GLB1L2: variants seen among roughly 807,000 people sequenced by gnomAD.
GLB1L2 encodes the protein galactosidase beta 1 like 2.
A neutral mutation model predicts 84.1 loss-of-function variants in GLB1L2; 68 were observed. The ratio of observed to expected loss-of-function variants is 0.81; its 90% confidence interval spans 0.67 to 0.99. GLB1L2 has a LOEUF of 0.99. Ranked by LOEUF, GLB1L2 falls within the 50% of genes least tolerant of loss-of-function variation. The pLI is 0.00. For synonymous variants in GLB1L2, 290 were observed against 318.0 expected (o/e 0.91, Z 0.94); for missense variants, 762 against 805.6 (o/e 0.95, Z 0.66).
At chr11:134,343,049 G>T in intron 2 of GLB1L2, 98 bp downstream of exon 2, 2 of 1,285,324 alleles carry the variant, frequency 1.6e-6, no homozygotes, top group Non-Finnish European at 2.1e-6. Flanking sequence ...CAGGTCCTCT[G>T]CCCAGGGCGA....
At chr11:134,356,532 T>A in intron 6 of GLB1L2, 139 bp downstream of exon 6, 1 of 622,294 alleles carries the variant, frequency 1.6e-6, no homozygotes, top group Non-Finnish European at 2.8e-6. Context: ...TTCTCTGTTG[T>A]TTTATTTCAA....
Position 134,370,833 on chromosome 11 carries a change from C to T in GLB1L2, c.1216-175C>T, listed in dbSNP as rs1943942851. 6.6e-6 allele frequency among the ~76,000 whole-genome samples: 1 copy of T among 152,126 alleles called. No individual in the cohort carries two copies. The highest frequency in any genetic ancestry group is 1.5e-5 in the Non-Finnish European group (1 of 68,024). ...ACTCTGCTGGTGCACACCCCTTTGC[C>T]CCACTCCTCTTCCCCGTCACCCTGG... On this transcript the variant is annotated intron_variant, in intron 12 of 18. Coordinates refer to ENST00000535456, the MANE Select transcript of GLB1L2 (RefSeq NM_001370461.1). This position sits in a 1 kb window ranked among gnomAD's most constrained non-coding sequence, Gnocchi z 4.7.
Position 134,338,808 on chromosome 11 carries a change from G to A in GLB1L2, c.87-3946G>A, listed in dbSNP as rs555151178. Reference sequence around the variant, plus strand: ...GTAGAGGTCTTGTTAGGTTGTGCGCGGCCCCATCAGAAGTCCTGATGTGCC... The same window carrying A: ...GTAGAGGTCTTGTTAGGTTGTGCGCAGCCCCATCAGAAGTCCTGATGTGCC... On this transcript the variant is annotated intron_variant, in intron 1 of 18. Transcript: ENST00000535456. This position sits in a 1 kb window ranked among gnomAD's most constrained non-coding sequence, Gnocchi z 6.2. 1.3e-5 allele frequency among the ~76,000 whole-genome samples: 2 copies of A among 152,198 alleles called. No individual in the cohort carries two copies. Among genetic ancestry groups the A allele is most frequent in the Admixed American group, 6.5e-5 (1 of 15,292 alleles).
chr11:134,351,095 G>C (rs1383496320), intron 5 of GLB1L2, among the ~76,000 whole-genome samples: 1 of 152,212 alleles, frequency 6.6e-6, no homozygotes, highest in Admixed American at 6.5e-5. Context: ...CGAATGCTTG[G>C]TTTGTTCCTG....
At chr11:134,346,572 C>G (rs1943555226) in intron 4 of GLB1L2, 1 of 152,396 alleles carries the variant, frequency 6.6e-6, no homozygotes, top group African/African-American at 2.4e-5. Flanking sequence ...ACTGCTCTCT[C>G]CTCACCCCTT....
chr11:134,366,451 G>A (rs1366215270), intron 8 of GLB1L2, among the ~76,000 whole-genome samples: 1 of 152,138 alleles, frequency 6.6e-6, no homozygotes, highest in East Asian at 1.9e-4. Context: ...GGCTATCACT[G>A]ACCTAGAGAT....
Position 134,371,103 on chromosome 11 carries a change from C to G in GLB1L2, c.1311C>G (p.Ile437Met), listed in dbSNP as rs1423308519. Residue 437 changes from isoleucine to methionine, a missense_variant, in exon 13 of 19, where the codon ATC becomes ATG. By Grantham distance (10) the Ile-to-Met change is conservative. Coordinates refer to ENST00000535456, the MANE Select transcript of GLB1L2 (RefSeq NM_001370461.1). ...SFGYILYETS[I>M]TSSGILSGHV... is the part of the protein sequence containing the mutation. ...GGTACATTCTCTATGAGACCAGCAT[C>G]ACCTCGTCTGGCATCCTCAGTGGCC... 1 of 1,614,222 alleles carries G rather than the reference C, an allele frequency of 6.2e-7. No individual in the cohort carries two copies. Among genetic ancestry groups the G allele is most frequent in the Non-Finnish European group, 8.5e-7 (1 of 1,180,028 alleles).
Position 134,376,152 on chromosome 11 carries a change from G to A in GLB1L2, c.*1094G>A, listed in dbSNP as rs1385093709. 19 of 152,988 alleles carry A rather than the reference G, an allele frequency of 1.2e-4. No individual in the cohort carries two copies. The allele number at this position is 152,988 out of a possible 1,614,324, so 9.5% of individuals were successfully genotyped here. A position where few individuals can be genotyped will look rare whatever the true frequency, so the allele number is the denominator to read the frequency against. ...GCACATCCAGGGAGGAGGACAGAAG[G>A]CCCAGCTCAGTGGCCCCCGCCCCCC... On this transcript the variant is annotated 3_prime_UTR_variant, in exon 19 of 19. Coordinates refer to ENST00000535456, the MANE Select transcript of GLB1L2 (RefSeq NM_001370461.1).
At chr11:134,356,958 G>A (rs1038601641) in intron 6 of GLB1L2, among the ~76,000 whole-genome samples, 6 of 150,850 alleles carry the variant, frequency 4.0e-5, no homozygotes, top group African/African-American at 1.5e-4. Flanking sequence ...CAAATGCCTC[G>A]AGTTTTTTCT....
At chr11:134,337,722 G>A (rs1017610731) in intron 1 of GLB1L2, among the ~76,000 whole-genome samples, 4 of 152,198 alleles carry the variant, frequency 2.6e-5, no homozygotes, top group African/African-American at 9.7e-5. Context: ...CCATGTGTTT[G>A]ATGTCTTTGT....
intron 7 of GLB1L2, 21 bp from the exon 8 acceptor site, chr11:134,364,307 C>T (rs994336226): frequency 8.7e-6 from 14 of 1,602,508 alleles, no homozygotes; most frequent in Non-Finnish European, 1.0e-5. Flanking sequence ...TTGTCTCTCT[C>T]TCTCCTCTTC....
rs111504619 is a variant in GLB1L2, at chr11:134,366,140, C to T, written c.805-1117C>T. 1.1e-3 allele frequency among the ~76,000 whole-genome samples: 170 copies of T among 152,314 alleles called. 1 individual carries two copies. Among genetic ancestry groups the T allele is most frequent in the African/African-American group, 4.0e-3 (165 of 41,552 alleles). On this transcript the variant is annotated intron_variant, in intron 8 of 18. Coordinates refer to ENST00000535456, the MANE Select transcript of GLB1L2 (RefSeq NM_001370461.1). ...TGGCCCATGGGTGGACACCCACCTC[C>T]GCAGCTCTGGTACCCTCAAGCCAAC... is the stretch of plus-strand genomic sequence containing the variant.
rs1943419925 is a variant in GLB1L2 at position 134,338,575 on chromosome 11, C to G, written c.87-4179C>G. ...GCCCTGTACCCTTCATCCTCAGGACCCACCTCACCAGTCAAGGAAAAATTA... is the reference window on the plus strand; with the variant it reads ...GCCCTGTACCCTTCATCCTCAGGACGCACCTCACCAGTCAAGGAAAAATTA... On this transcript the variant is annotated intron_variant, in intron 1 of 18. Transcript: ENST00000535456. The surrounding 1 kb of genome is among the most constrained non-coding windows in gnomAD (Gnocchi z 6.2). 6.6e-6 allele frequency among the ~76,000 whole-genome samples: 1 copy of G among 152,156 alleles called. No individual in the cohort carries two copies. The highest frequency in any genetic ancestry group is 1.5e-5 in the Non-Finnish European group (1 of 68,032).
chr11:134,361,095 G>A (rs1187608524), intron 7 of GLB1L2: 1 of 152,032 alleles, frequency 6.6e-6, no homozygotes, highest in African/African-American at 2.4e-5. Flanking sequence ...AGTTTGCAGT[G>A]AGCCGAGATT....
At chr11:134,365,883 C>T (rs1363413795) in intron 8 of GLB1L2, among the ~76,000 whole-genome samples, 5 of 152,216 alleles carry the variant, frequency 3.3e-5, no homozygotes, top group Admixed American at 3.3e-4. Flanking sequence ...GTGTCCATGA[C>T]CCGTGATGGA....
At chr11:134,332,266 GCTT>G (rs1943309912) in intron 1 of GLB1L2, 119 bp downstream of exon 1, 1 of 658,294 alleles carries the variant, frequency 1.5e-6, no homozygotes. Flanking sequence ...AGCCCCAGCT[GCTT>G]CTTTCTGGGA....
At chr11:134,347,481 G>T in intron 5 of GLB1L2, 48 bp downstream of exon 5, 2 of 1,318,614 alleles carry the variant, frequency 1.5e-6, no homozygotes, top group Non-Finnish European at 2.2e-6. Context: ...CTTCCTCTAG[G>T]TCGTGGATCA....
intron 4 of GLB1L2, 95 bp from the exon 5 acceptor site, chr11:134,347,230 C>T: frequency 1.1e-6 from 1 of 894,886 alleles, no homozygotes; most frequent in Non-Finnish European, 1.9e-6. Context: ...TTCTGGAGCA[C>T]TGGGGGGCCT....
chr11:134,366,791 G>A (rs1193495244), intron 8 of GLB1L2, among the ~76,000 whole-genome samples: 2 of 144,592 alleles, frequency 1.4e-5, no homozygotes, highest in East Asian at 4.5e-4. Flanking sequence ...AACTGAGTTG[G>A]ACCTTGAAGA....
Sources: allele counts gnomAD v4.1 joint callset (sites outside exome capture counted in the v4.1 genomes callset), GRCh38; gene constraint gnomAD v4.1.1; non-coding constraint Gnocchi (gnomAD v3.1); transcripts MANE v1.5; gene names NCBI Gene and HGNC (gene_info 2026-07-23, HGNC 2026-07-21).